The following GRID2 variants were observed in gnomAD, a reference collection of about 807,000 sequenced individuals.
The protein encoded by GRID2 is glutamate ionotropic receptor delta type subunit 2, also known as glutamate receptor ionotropic, delta-2.
In GRID2, 33 loss-of-function variants were observed where a neutral mutation model predicts 114.8. That is an observed-to-expected ratio of 0.29 (90% confidence interval 0.22 to 0.38). GRID2 has a LOEUF of 0.38. GRID2 is among the 10% of genes least tolerant of loss of function. The pLI, the probability that GRID2 is intolerant of heterozygous loss-of-function variation, is 1.00. For synonymous variants in GRID2, 505 were observed against 449.9 expected, an observed-to-expected ratio of 1.12 and a Z score of -1.55; for missense variants, 1,184 against 1,257.7, an observed-to-expected ratio of 0.94 and a Z score of 0.89.
At chr4:92,750,735 C>G (rs770776956) in intron 2 of GRID2, among the ~76,000 whole-genome samples, 1 of 152,142 alleles carries the variant, frequency 6.6e-6, no homozygotes, top group African/African-American at 2.4e-5. Flanking sequence ...GCCTTATCAA[C>G]TATTAGTTGA....
At chr4:93,068,274 A>G (rs954921926) in intron 2 of GRID2, among the ~76,000 whole-genome samples, 1 of 152,098 alleles carries the variant, frequency 6.6e-6, no homozygotes, top group Non-Finnish European at 1.5e-5. Context: ...TGTGACTAGC[A>G]AAAACCTTAC....
chr4:93,632,290 C>T (rs1308527599), intron 14 of GRID2, among the ~76,000 whole-genome samples: 1 of 152,088 alleles, frequency 6.6e-6, no homozygotes, highest in East Asian at 1.9e-4. Context: ...AAGTCCTTGC[C>T]CAGGCCTACG....
In GRID2 at chr4:92,304,880, C is replaced by A. The variant is rs7666992; in HGVS notation, c.88+136C>A. ...CAGTTCATTGCCCCTTCCCGCTACC[C>A]TTCCCTCACACTTGCTCAGTTTTCT... On this transcript the variant is annotated intron_variant, in intron 1 of 15. Coordinates refer to ENST00000282020, the MANE Select transcript of GRID2 (RefSeq NM_001510.4). 21 of 698,214 alleles carry A rather than the reference C, an allele frequency of 3.0e-5. No homozygotes were observed. In the East Asian group the frequency reaches 5.3e-4, roughly 18 times the overall value. 43.3% of individuals were successfully genotyped at this position (698,214 alleles called of 1,614,324 possible).
chr4:92,832,892 A>G (rs181446229), intron 2 of GRID2, among the ~76,000 whole-genome samples: 1 of 152,304 alleles, frequency 6.6e-6, no homozygotes, highest in East Asian at 1.9e-4. Context: ...ACTTTTATCA[A>G]TTACAGTATT....
intron 2 of GRID2, among the ~76,000 whole-genome samples, chr4:92,660,377 T>A (rs746044603): frequency 2.0e-5 from 3 of 151,292 alleles, no homozygotes; most frequent in Non-Finnish European, 4.4e-5. Flanking sequence ...TGGTTCCAGT[T>A]TACAAACTGT....
At chr4:92,753,986 C>T (rs1217548683) in intron 2 of GRID2, among the ~76,000 whole-genome samples, 2 of 152,134 alleles carry the variant, frequency 1.3e-5, no homozygotes, top group Admixed American at 6.6e-5. Flanking sequence ...ATAGAAACTC[C>T]TTCAGTATTT....
chr4:92,891,509 A>G (rs1746780839), intron 2 of GRID2, among the ~76,000 whole-genome samples: 1 of 152,124 alleles, frequency 6.6e-6, no homozygotes, highest in African/African-American at 2.4e-5. Context: ...AAAGAAAGGG[A>G]GAGGTTGCCT....
At chr4:92,396,666 G>T (rs936823305) in intron 1 of GRID2, among the ~76,000 whole-genome samples, 1 of 151,898 alleles carries the variant, frequency 6.6e-6, no homozygotes, top group South Asian at 2.1e-4. Context: ...TGTATAAATC[G>T]TAATTATTAA....
intron 9 of GRID2, among the ~76,000 whole-genome samples, chr4:93,400,788 T>C (rs1000892973): frequency 4.6e-5 from 7 of 152,016 alleles, no homozygotes; most frequent in Admixed American, 3.9e-4. Flanking sequence ...ATACATTCAC[T>C]CATGAATTCA....
At chr4:92,543,654 C>CTGAA (rs983888721) in intron 1 of GRID2, among the ~76,000 whole-genome samples, 17 of 152,058 alleles carry the variant, frequency 1.1e-4, no homozygotes, top group East Asian at 7.7e-4. Context: ...CCAATAATTG[C>CTGAA]TGAATGAATG....
At chr4:92,453,161 A>C (rs1484656743) in intron 1 of GRID2, among the ~76,000 whole-genome samples, 26 of 152,120 alleles carry the variant, frequency 1.7e-4, no homozygotes. Flanking sequence ...TGAAAGAAGA[A>C]GGAGAGGGAA....
chr4:93,804,004 A>G (rs558568246), intron 1 of GRID2, among the ~76,000 whole-genome samples: 2 of 152,302 alleles, frequency 1.3e-5, no homozygotes, highest in African/African-American at 4.8e-5. Context: ...AGAAAAGGAA[A>G]AAAAGCACAG....
intron 2 of GRID2, among the ~76,000 whole-genome samples, chr4:92,696,352 T>A (rs184997365): frequency 1.2e-3 from 178 of 152,226 alleles, no homozygotes; most frequent in Non-Finnish European, 2.2e-3. Flanking sequence ...TGTTGAAGGG[T>A]AAAACGCGAA....
At chr4:93,554,813 T>A (rs961536697) in intron 13 of GRID2, among the ~76,000 whole-genome samples, 1 of 152,124 alleles carries the variant, frequency 6.6e-6, no homozygotes, top group Non-Finnish European at 1.5e-5. Flanking sequence ...GGGAGGTGGC[T>A]GGCAAGATGG....
intron 2 of GRID2, among the ~76,000 whole-genome samples, chr4:92,899,152 C>T (rs920126673): frequency 2.0e-5 from 3 of 151,848 alleles, no homozygotes; most frequent in South Asian, 2.1e-4. Flanking sequence ...TGGTCAAACA[C>T]GTTAATTTTA....
At chr4:93,210,585 A>G (rs1743342230) in intron 5 of GRID2, among the ~76,000 whole-genome samples, 1 of 151,878 alleles carries the variant, frequency 6.6e-6, no homozygotes, top group Non-Finnish European at 1.5e-5. Context: ...TTTTTGATAC[A>G]TTTTCACTTA....
At chr4:93,257,363 G>A (rs1022794085) in intron 8 of GRID2, among the ~76,000 whole-genome samples, 5 of 151,726 alleles carry the variant, frequency 3.3e-5, no homozygotes, top group Admixed American at 6.6e-5. Flanking sequence ...TTTCACTTCA[G>A]TGCAATGACA....
At chr4:92,526,055 C>A (rs1356047821) in intron 1 of GRID2, among the ~76,000 whole-genome samples, 1 of 151,826 alleles carries the variant, frequency 6.6e-6, no homozygotes, top group Non-Finnish European at 1.5e-5. Context: ...TAGATGGTAT[C>A]ATTTATAGAT....
intron 4 of GRID2, among the ~76,000 whole-genome samples, chr4:93,159,356 A>C (rs560829088): frequency 6.6e-6 from 1 of 151,952 alleles, no homozygotes; most frequent in Non-Finnish European, 1.5e-5. Flanking sequence ...CATAGTGCTG[A>C]GAAAAGCAAC....
Sources: allele counts gnomAD v4.1 joint callset (sites outside exome capture counted in the v4.1 genomes callset), GRCh38; gene constraint gnomAD v4.1.1; transcripts MANE v1.5; gene names NCBI Gene and HGNC (gene_info 2026-07-23, HGNC 2026-07-21).